MYLK4: variants seen among roughly 807,000 people sequenced by gnomAD.
MYLK4 encodes the protein myosin light chain kinase family member 4.
In MYLK4, 46 loss-of-function variants were observed where a neutral mutation model predicts 48.1. That is an observed-to-expected ratio of 0.96 (90% confidence interval 0.75 to 1.22). The LOEUF (loss-of-function observed/expected upper bound fraction) is 1.22, where lower values mean the gene tolerates loss of function less well. MYLK4 is among the 50% of genes most tolerant of loss of function. MYLK4 has a pLI of 0.00. For synonymous variants in MYLK4, 170 were observed against 180.8 expected, an observed-to-expected ratio of 0.94 and a Z score of 0.48; for missense variants, 451 against 486.1, an observed-to-expected ratio of 0.93 and a Z score of 0.68.
At chr6:2,737,987 G>A (rs1199444957) in intron 2 of MYLK4, among the ~76,000 whole-genome samples, 1 of 118,898 alleles carries the variant, frequency 8.4e-6, no homozygotes, top group East Asian at 3.4e-4. Context: ...CGGGTGGGGG[G>A]GGGGTGGTCA....
intron 2 of MYLK4, among the ~76,000 whole-genome samples, chr6:2,698,256 C>T (rs372690222): frequency 2.6e-5 from 4 of 152,306 alleles, no homozygotes; most frequent in African/African-American, 7.2e-5. Flanking sequence ...TGTTAGAGGT[C>T]GGCCACCCTG....
At position 2,730,965 on chromosome 6, in the gene MYLK4, C is replaced by T. The variant is rs556314854; in HGVS notation, c.159+18171G>A. ...ACCCCTGGTTGTGGTCCAAAAATATCCTGGCAGTTAGCATCCTGCATTAAA... is the reference window on the plus strand; with the variant it reads ...ACCCCTGGTTGTGGTCCAAAAATATTCTGGCAGTTAGCATCCTGCATTAAA... On this transcript the variant is annotated intron_variant, in intron 2 of 12. Transcript: ENST00000274643. Among the ~76,000 whole-genome samples the T allele has an allele frequency of 2.0e-5, 3 of 152,202 alleles. No individual in the cohort carries two copies. The South Asian group carries it at 6.2e-4, about 32-fold the overall frequency.
chr6:2,766,523 C>G, the MYLK4 span: 3 of 1,424,518 alleles, frequency 2.1e-6, no homozygotes, highest in Middle Eastern at 1.9e-4. Context: ...GCCGGGTGTG[C>G]TGCCCTCGAA....
At position 2,664,822 on chromosome 6, in the gene MYLK4, G is replaced by A. The variant is rs1760583563; in HGVS notation, c.*3103C>T. On this transcript the variant is annotated 3_prime_UTR_variant, in exon 13 of 13. Coordinates refer to ENST00000274643, the MANE Select transcript of MYLK4 (RefSeq NM_001012418.5). ...TTCAACCTAGAAATTGTTTCCCCAAGTTAGTTCAGATGAGAGTCTCGTCCA... is the reference window on the plus strand; with the variant it reads ...TTCAACCTAGAAATTGTTTCCCCAAATTAGTTCAGATGAGAGTCTCGTCCA... The A allele has an allele frequency of 6.6e-6, 1 of 152,218 alleles. No homozygotes were observed. Among genetic ancestry groups the A allele is most frequent in the South Asian group, 2.1e-4 (1 of 4,830 alleles). 9.4% of individuals were successfully genotyped at this position (152,218 alleles called of 1,614,324 possible).
At chr6:2,711,642 G>A (rs1466453014) in intron 2 of MYLK4, among the ~76,000 whole-genome samples, 1 of 152,144 alleles carries the variant, frequency 6.6e-6, no homozygotes, top group African/African-American at 2.4e-5. Flanking sequence ...GAAGGACCAC[G>A]ACCTCACAGC....
rs1166480140 is a variant in MYLK4 at position 2,686,322 on chromosome 6, A to T, written c.342-746T>A. On this transcript the variant is annotated intron_variant, in intron 4 of 12. Coordinates refer to ENST00000274643, the MANE Select transcript of MYLK4 (RefSeq NM_001012418.5). ...TATGAACAAGAGAGCCCACCTTCAGATATATAAAATTATTTTTGGAAACTG... is the reference window on the plus strand; with the variant it reads ...TATGAACAAGAGAGCCCACCTTCAGTTATATAAAATTATTTTTGGAAACTG... Among the ~76,000 whole-genome samples the T allele has an allele frequency of 5.3e-5, 8 of 152,348 alleles. No homozygotes were observed. In the East Asian group the frequency reaches 7.7e-4, roughly 15 times the overall value.
the MYLK4 span, among the ~76,000 whole-genome samples, chr6:2,758,216 G>A: frequency 6.6e-6 from 1 of 151,990 alleles, no homozygotes; most frequent in African/African-American, 2.4e-5. Context: ...AAAATATTCT[G>A]GAGTAGCTCA....
the MYLK4 span, chr6:2,768,740 G>C: frequency 1.2e-6 from 2 of 1,613,758 alleles, no homozygotes; most frequent in Admixed American, 1.7e-5. Flanking sequence ...CATAGCATAA[G>C]GTTTGTGACA....
chr6:2,746,884 C>T (rs992700567), intron 2 of MYLK4, among the ~76,000 whole-genome samples: 3 of 152,248 alleles, frequency 2.0e-5, no homozygotes, highest in African/African-American at 7.2e-5. Flanking sequence ...TCTCCACCCA[C>T]CCGCTGCCAA....
the MYLK4 span, among the ~76,000 whole-genome samples, chr6:2,760,186 C>T: frequency 6.6e-6 from 1 of 151,990 alleles, no homozygotes; most frequent in African/African-American, 2.4e-5. Flanking sequence ...ATAATAACTA[C>T]TTATATAGCA....
chr6:2,722,945 G>A (rs2113294615), intron 2 of MYLK4, among the ~76,000 whole-genome samples: 1 of 152,132 alleles, frequency 6.6e-6, no homozygotes, highest in African/African-American at 2.4e-5. Context: ...ACCTTAATAT[G>A]CATTTTTTCA....
intron 6 of MYLK4, among the ~76,000 whole-genome samples, chr6:2,684,864 C>A (rs1165321262): frequency 4.6e-5 from 7 of 152,000 alleles, no homozygotes; most frequent in Admixed American, 4.6e-4. Context: ...TGACTGTACT[C>A]GGTTTCTAAC....
intron 3 of MYLK4, among the ~76,000 whole-genome samples, chr6:2,690,610 C>G (rs953898371): frequency 6.6e-6 from 1 of 152,022 alleles, no homozygotes; most frequent in Non-Finnish European, 1.5e-5. Context: ...TGGAGCAGCA[C>G]GCTCCCCATC....
chr6:2,699,287 C>CTTTTTTTTTTTTTTTTTTTTTTTTTTTTT lies in MYLK4; in HGVS notation c.160-6429_160-6428insAAAAAAAAAAAAAAAAAAAAAAAAAAAAA, dbSNP rs56959282. ...CATGCTACCACTTTTCTTTTCTTTT[C>CTTTTTTTTTTTTTTTTTTTTTTTTTTTTT]TTTTTTTTTTTTTTTTTTTTTTGAT... On this transcript the variant is annotated intron_variant, in intron 2 of 12. Transcript: ENST00000274643. Among the ~76,000 whole-genome samples the CTTTTTTTTTTTTTTTTTTTTTTTTTTTTT allele has an allele frequency of 5.6e-4, 44 of 77,900 alleles. 4 individuals are homozygous for CTTTTTTTTTTTTTTTTTTTTTTTTTTTTT. The highest frequency in any genetic ancestry group is 1.1e-3 in the South Asian group (2 of 1,846). 51.1% of individuals were successfully genotyped at this position (77,900 alleles called of 152,430 possible).
chr6:2,680,698 C>T, intron 7 of MYLK4: 10 of 504,774 alleles, frequency 2.0e-5, no homozygotes, highest in Non-Finnish European at 2.6e-5. Flanking sequence ...TGATGAGTTC[C>T]AAGGGAATTG....
chr6:2,745,550 G>T (rs573999173), intron 2 of MYLK4, among the ~76,000 whole-genome samples: 1 of 152,246 alleles, frequency 6.6e-6, no homozygotes, highest in South Asian at 2.1e-4. Context: ...TTACACAGTA[G>T]GTAGAATTTA....
chr6:2,718,996 G>A (rs1762968724), intron 2 of MYLK4, among the ~76,000 whole-genome samples: 1 of 152,156 alleles, frequency 6.6e-6, no homozygotes, highest in Non-Finnish European at 1.5e-5. Flanking sequence ...CTGGACTCAC[G>A]ATGTGGTCCT....
the MYLK4 span, among the ~76,000 whole-genome samples, chr6:2,767,606 C>T: frequency 2.0e-5 from 3 of 152,188 alleles, no homozygotes; most frequent in Non-Finnish European, 4.4e-5. Context: ...GACGTCTGTC[C>T]CCATGGATTT....
intron 2 of MYLK4, among the ~76,000 whole-genome samples, chr6:2,709,627 C>T (rs142895879): frequency 2.0e-5 from 3 of 152,358 alleles, no homozygotes; most frequent in Admixed American, 6.5e-5. Context: ...TAGTGTTCTG[C>T]ATGTTTTTCT....
Sources: allele counts gnomAD v4.1 joint callset (sites outside exome capture counted in the v4.1 genomes callset), GRCh38; gene constraint gnomAD v4.1.1; transcripts MANE v1.5; gene names NCBI Gene and HGNC (gene_info 2026-07-23, HGNC 2026-07-21).